CCDC148: variants seen among roughly 807,000 people sequenced by gnomAD.
The protein encoded by CCDC148 is coiled-coil domain containing 148, also known as coiled-coil domain-containing protein 148.
Under a neutral mutation model 85.7 loss-of-function variants are expected in CCDC148, and 89 were observed. The observed-to-expected ratio is 1.04, with a 90% CI of 0.87 to 1.24. The LOEUF is 1.24. CCDC148 is among the 50% of genes most tolerant of loss of function. CCDC148 has a pLI of 0.00. For synonymous variants in CCDC148, 230 were observed against 213.9 expected, an observed-to-expected ratio of 1.08 and a Z score of -0.66; for missense variants, 692 against 671.7, an observed-to-expected ratio of 1.03 and a Z score of -0.33.
intron 10 of CCDC148, among the ~76,000 whole-genome samples, chr2:158,232,466 TA>T (rs946026443): frequency 6.6e-5 from 10 of 151,528 alleles, no homozygotes; most frequent in African/African-American, 2.2e-4. Flanking sequence ...AAGTTTAACT[TA>T]AAAAAAAACT....
chr2:158,182,814 T>G (rs1227523336), intron 11 of CCDC148, among the ~76,000 whole-genome samples: 1 of 152,166 alleles, frequency 6.6e-6, no homozygotes, highest in Non-Finnish European at 1.5e-5. Context: ...TTTCTTTGCC[T>G]AAAGAGAAGT....
chr2:158,444,580 A>G (rs1307436109), intron 1 of CCDC148, among the ~76,000 whole-genome samples: 2 of 151,968 alleles, frequency 1.3e-5, no homozygotes, highest in African/African-American at 4.8e-5. Context: ...CAGGAGCTCA[A>G]GACCAGCCTG....
chr2:158,447,774 A>G lies in CCDC148; in HGVS notation c.25+8641T>C, dbSNP rs1312991481. ...TTATTTTTCACATTTAGCATGCTTT[A>G]TATATTCTAGATACAAGTACTTTAT... On this transcript the variant is annotated intron_variant, in intron 1 of 13. Transcript: ENST00000283233. Among the ~76,000 whole-genome samples, 8 of 152,188 alleles carry G rather than the reference A, an allele frequency of 5.3e-5. No individual in the cohort carries two copies. The East Asian group carries it at 1.4e-3, about 26-fold the overall frequency.
At chr2:158,351,486 T>C (rs1198205791) in intron 2 of CCDC148, among the ~76,000 whole-genome samples, 1 of 122,540 alleles carries the variant, frequency 8.2e-6, no homozygotes, top group African/African-American at 3.1e-5. Context: ...GAAAATCGGG[T>C]CACTCCCACC....
At chr2:158,258,163 C>T (rs2105148985) in intron 9 of CCDC148, among the ~76,000 whole-genome samples, 1 of 151,906 alleles carries the variant, frequency 6.6e-6, no homozygotes, top group East Asian at 1.9e-4. Context: ...ACAGAGATGT[C>T]AATGTATTAA....
chr2:158,356,875 T>G (rs1182081963), intron 2 of CCDC148, among the ~76,000 whole-genome samples: 1 of 130,650 alleles, frequency 7.7e-6, no homozygotes, highest in Non-Finnish European at 1.6e-5. Flanking sequence ...ATGTGGCACA[T>G]ATACACCATG....
At chr2:158,230,947 G>A (rs898521184) in intron 10 of CCDC148, among the ~76,000 whole-genome samples, 6 of 152,242 alleles carry the variant, frequency 3.9e-5, no homozygotes, top group African/African-American at 1.4e-4. Context: ...GGTGATACTA[G>A]TAACTGAGAT....
chr2:158,342,974 A>G lies in CCDC148; in HGVS notation c.251+2241T>C, dbSNP rs546879764. Among the ~76,000 whole-genome samples the G allele has an allele frequency of 2.0e-5, 3 of 152,342 alleles. No individual in the cohort carries two copies. In the East Asian group the frequency reaches 5.8e-4, roughly 29 times the overall value. ...ATTTTGTCTAGTTTTCTTAGTACAG[A>G]TTTCAAAGAATCAAAGTTTGGCATA... is the stretch of plus-strand genomic sequence containing the variant. On this transcript the variant is annotated intron_variant, in intron 3 of 13. Coordinates refer to ENST00000283233, the MANE Select transcript of CCDC148 (RefSeq NM_138803.4).
chr2:158,408,377 A>G (rs1686115132), intron 1 of CCDC148, among the ~76,000 whole-genome samples: 1 of 152,054 alleles, frequency 6.6e-6, no homozygotes, highest in African/African-American at 2.4e-5. Flanking sequence ...TTTGACCAAT[A>G]TTTCCCCATT....
chr2:158,193,391 C>T (rs922797401), intron 11 of CCDC148, among the ~76,000 whole-genome samples: 1 of 152,088 alleles, frequency 6.6e-6, no homozygotes, highest in Non-Finnish European at 1.5e-5. Flanking sequence ...TATTCTGAGA[C>T]TGCTCCAACA....
chr2:158,388,582 C>T (rs1204911887), intron 1 of CCDC148, among the ~76,000 whole-genome samples: 1 of 152,124 alleles, frequency 6.6e-6, no homozygotes, highest in Non-Finnish European at 1.5e-5. Flanking sequence ...GCAACCTCCA[C>T]CTCCTGAGTT....
At chr2:158,422,101 C>T (rs970777796) in intron 1 of CCDC148, among the ~76,000 whole-genome samples, 11 of 151,990 alleles carry the variant, frequency 7.2e-5, no homozygotes, top group African/African-American at 1.9e-4. Context: ...TAATTAATAG[C>T]CTACCAACAA....
intron 11 of CCDC148, among the ~76,000 whole-genome samples, chr2:158,219,916 A>G (rs1687085195): frequency 6.6e-6 from 1 of 152,106 alleles, no homozygotes. Context: ...TTATCTCTTT[A>G]TATAGAAAGG....
chr2:158,372,482 G>T (rs1278333095), intron 1 of CCDC148, among the ~76,000 whole-genome samples: 3 of 151,940 alleles, frequency 2.0e-5, no homozygotes, highest in Admixed American at 6.6e-5. Flanking sequence ...CTTCCTACAT[G>T]ACTTGCCATT....
intron 9 of CCDC148, among the ~76,000 whole-genome samples, chr2:158,302,617 C>G (rs1361270888): frequency 6.6e-6 from 1 of 152,030 alleles, no homozygotes; most frequent in Admixed American, 6.6e-5. Context: ...AACGCTGCCT[C>G]TACTAAAAAT....
intron 10 of CCDC148, among the ~76,000 whole-genome samples, chr2:158,233,147 T>A (rs1521868): frequency 0.051 from 7,759 of 152,228 alleles, 243 homozygotes; most frequent in African/African-American, 0.1. Flanking sequence ...GTACAATCAC[T>A]ATGTATCAAT....
At chr2:158,199,807 A>T (rs1245617228) in intron 11 of CCDC148, among the ~76,000 whole-genome samples, 1 of 152,184 alleles carries the variant, frequency 6.6e-6, no homozygotes, top group Non-Finnish European at 1.5e-5. Flanking sequence ...CTTTGAAAAT[A>T]AAAAGGGTCA....
chr2:158,307,018 C>CAA (rs56030055), intron 9 of CCDC148, among the ~76,000 whole-genome samples: 1 of 134,256 alleles, frequency 7.4e-6, no homozygotes, highest in African/African-American at 2.8e-5. Context: ...GACTCCATCT[C>CAA]AAAAAAAAAA....
chr2:158,291,087 C>G (rs971287752), intron 9 of CCDC148, among the ~76,000 whole-genome samples: 3 of 151,960 alleles, frequency 2.0e-5, no homozygotes, highest in Non-Finnish European at 2.9e-5. Context: ...CTGCCCCTAA[C>G]GTTCCCAGCT....
Sources: allele counts gnomAD v4.1 joint callset (sites outside exome capture counted in the v4.1 genomes callset), GRCh38; gene constraint gnomAD v4.1.1; transcripts MANE v1.5; gene names NCBI Gene and HGNC (gene_info 2026-07-23, HGNC 2026-07-21).